MEF2C: variants seen among roughly 807,000 people sequenced by gnomAD.
MEF2C encodes myocyte-specific enhancer factor 2C.
Under a neutral mutation model 50.5 loss-of-function variants are expected in MEF2C, and 6 were observed. That is an observed-to-expected ratio of 0.12 (90% CI 0.07 to 0.23). The LOEUF (loss-of-function observed/expected upper bound fraction) is 0.23, where lower values mean the gene tolerates loss of function less well. MEF2C is among the 10% of genes least tolerant of loss of function. MEF2C has a pLI of 1.00. For missense variants in MEF2C, 276 were observed against 605.0 expected, an observed-to-expected ratio of 0.46 and a Z score of 5.70; for synonymous variants, 183 against 228.0, an observed-to-expected ratio of 0.80 and a Z score of 1.78.
intron 6 of MEF2C, chr5:88,746,645 A>G: frequency 2.0e-6 from 2 of 985,414 alleles, no homozygotes; most frequent in Non-Finnish European, 2.4e-6. Flanking sequence ...AAATGTAGCA[A>G]CATTCTGGCT....
chr5:88,817,766 T>C (rs934968962), intron 2 of MEF2C: 3 of 152,008 alleles, frequency 2.0e-5, no homozygotes, highest in African/African-American at 7.2e-5. Flanking sequence ...TATTTAAATG[T>C]CTTTTTATAA....
chr5:88,879,908 A>G (rs907785861), intron 1 of MEF2C, among the ~76,000 whole-genome samples: 3 of 152,102 alleles, frequency 2.0e-5, no homozygotes, highest in Admixed American at 1.3e-4. Flanking sequence ...TCAAAATAAC[A>G]TGTGAACTAT....
chr5:88,847,872 T>A (rs1049948047), intron 1 of MEF2C, among the ~76,000 whole-genome samples: 2 of 152,170 alleles, frequency 1.3e-5, no homozygotes, highest in Non-Finnish European at 2.9e-5. Flanking sequence ...TTTACACAAT[T>A]TTTGGTAATG....
intron 2 of MEF2C, among the ~76,000 whole-genome samples, chr5:88,813,749 G>T (rs1562183432): frequency 6.6e-6 from 1 of 151,992 alleles, no homozygotes; most frequent in Non-Finnish European, 1.5e-5. Flanking sequence ...TCAATGAATG[G>T]ATAATTTTTT....
intron 5 of MEF2C, among the ~76,000 whole-genome samples, chr5:88,750,607 GA>G (rs1169590632): frequency 1.3e-5 from 2 of 152,132 alleles, no homozygotes; most frequent in African/African-American, 2.4e-5. Context: ...TATCAAATAG[GA>G]AAGTGAACTG....
chr5:88,782,169 T>C (rs1431010343), intron 3 of MEF2C: 12 of 981,568 alleles, frequency 1.2e-5, no homozygotes, highest in African/African-American at 1.8e-5. Context: ...GCTTATATAG[T>C]TTAAAATAAA....
chr5:88,745,329 G>C (rs1435525223), intron 6 of MEF2C, among the ~76,000 whole-genome samples: 1 of 152,262 alleles, frequency 6.6e-6, no homozygotes, highest in African/African-American at 2.4e-5. Context: ...GTAAGCACAG[G>C]AAAGAGGTGC....
intron 3 of MEF2C, among the ~76,000 whole-genome samples, chr5:88,800,248 G>A (rs1448004330): frequency 6.6e-6 from 1 of 152,102 alleles, no homozygotes; most frequent in Non-Finnish European, 1.5e-5. Flanking sequence ...GTCACTCCAA[G>A]GATCACTTGG....
At chr5:88,831,729 A>C (rs754832693) in intron 1 of MEF2C, among the ~76,000 whole-genome samples, 14 of 152,204 alleles carry the variant, frequency 9.2e-5, no homozygotes, top group Non-Finnish European at 1.9e-4. Context: ...TTGCTATTAT[A>C]TGTGGCTCAA....
At chr5:88,805,803 A>G (rs1441781944) in intron 2 of MEF2C, among the ~76,000 whole-genome samples, 1 of 144,194 alleles carries the variant, frequency 6.9e-6, no homozygotes, top group Non-Finnish European at 1.5e-5. Flanking sequence ...CAGTCTGGCT[A>G]CTGAAAAGGC....
chr5:88,725,723 T>A (rs1758412459), intron 10 of MEF2C, among the ~76,000 whole-genome samples: 3 of 152,126 alleles, frequency 2.0e-5, no homozygotes, highest in Admixed American at 2.0e-4. Flanking sequence ...ATAGTTTTAT[T>A]CAAAATTTTT....
intron 6 of MEF2C, chr5:88,741,898 G>C: frequency 1.0e-6 from 1 of 985,286 alleles, no homozygotes; most frequent in Non-Finnish European, 1.2e-6. Context: ...GTATCAGTTG[G>C]TTATAAATTT....
At chr5:88,743,401 C>T in intron 6 of MEF2C, 1 of 985,192 alleles carries the variant, frequency 1.0e-6, no homozygotes, top group South Asian at 4.7e-5. Flanking sequence ...GATAAGTATT[C>T]TTGAAAACAA....
At chr5:88,738,603 A>G (rs1164068870) in intron 6 of MEF2C, 2 of 984,836 alleles carry the variant, frequency 2.0e-6, no homozygotes, top group Non-Finnish European at 2.4e-6. Context: ...ACAACACTAC[A>G]CTGCTCCTTC....
chr5:88,799,056 T>G (rs1797186205), intron 3 of MEF2C, among the ~76,000 whole-genome samples: 1 of 152,130 alleles, frequency 6.6e-6, no homozygotes, highest in Middle Eastern at 3.2e-3. Context: ...CAGCCGGAGC[T>G]CTCTCGTATG....
At chr5:88,859,937 C>G (rs1824919420) in intron 1 of MEF2C, among the ~76,000 whole-genome samples, 2 of 152,112 alleles carry the variant, frequency 1.3e-5, no homozygotes, top group Admixed American at 6.5e-5. Context: ...TCATAAAGTT[C>G]GATAGGGCAA....
intron 3 of MEF2C, among the ~76,000 whole-genome samples, chr5:88,791,856 TAAC>T (rs1389432877): frequency 6.6e-6 from 1 of 151,966 alleles, no homozygotes; most frequent in Non-Finnish European, 1.5e-5. Flanking sequence ...ACTTTTTAAA[TAAC>T]AAAATCTTTT....
chr5:88,765,156 C>T (rs1193862217), intron 3 of MEF2C, among the ~76,000 whole-genome samples: 3 of 151,986 alleles, frequency 2.0e-5, no homozygotes, highest in African/African-American at 4.8e-5. Flanking sequence ...GAATATCACC[C>T]GAATCTAAGT....
chr5:88,820,863 C>T (rs1019409612), intron 2 of MEF2C, among the ~76,000 whole-genome samples: 1 of 151,980 alleles, frequency 6.6e-6, no homozygotes, highest in South Asian at 2.1e-4. Context: ...CAACTGCTCT[C>T]ATAGTAGGTG....
Sources: gnomAD v4.1 joint callset for allele counts (sites outside exome capture counted in the v4.1 genomes callset) on GRCh38, gnomAD v4.1.1 for gene constraint, MANE v1.5 for transcripts, NCBI Gene and HGNC (gene_info 2026-07-23, HGNC 2026-07-21) for gene names.